SYNE2: variants seen among roughly 807,000 people sequenced by gnomAD.
The protein encoded by SYNE2 is nesprin-2.
Under a neutral mutation model 856.3 loss-of-function variants are expected in SYNE2, and 431 were observed. The ratio of observed to expected loss-of-function variants is 0.50; its 90% CI spans 0.47 to 0.55. SYNE2 has a LOEUF of 0.55. Among genes scored for constraint, SYNE2 ranks in the 20% least tolerant of loss-of-function variants. The probability of loss-of-function intolerance (pLI) is 0.00; values close to 1 mark genes in which losing one functional copy is unlikely to be tolerated. For missense variants in SYNE2, 8,129 were observed against 8,023.2 expected (o/e 1.01, Z -0.50); for synonymous variants, 2,923 against 2,872.3 (o/e 1.02, Z -0.56).
chr14:63,912,708 G>A (rs2095487317), intron 2 of SYNE2, among the ~76,000 whole-genome samples: 2 of 152,122 alleles, frequency 1.3e-5, no homozygotes, highest in African/African-American at 4.8e-5. Flanking sequence ...ACACACGCAA[G>A]AAAAGATTAA....
At chr14:64,183,007 C>T (rs1266926) in intron 96 of SYNE2, among the ~76,000 whole-genome samples, 9,118 of 112,842 alleles carry the variant, frequency 0.081, 526 homozygotes, top group East Asian at 0.39. Context: ...GGCGACTGGC[C>T]AGGCGGGGGC....
chr14:63,777,287 C>A (rs80260819), intron 1 of SYNE2, among the ~76,000 whole-genome samples: 1,564 of 152,344 alleles, frequency 0.01, 27 homozygotes, highest in African/African-American at 0.036. Flanking sequence ...GGGAAACCAT[C>A]TTTTCTATTC....
At chr14:64,046,144 T>A (rs542638105) in intron 45 of SYNE2, among the ~76,000 whole-genome samples, 1 of 152,340 alleles carries the variant, frequency 6.6e-6, no homozygotes, top group Non-Finnish European at 1.5e-5. Flanking sequence ...ATTACTGCCG[T>A]GGTGCTTCAT....
chr14:64,102,185 C>A (rs1242037462), intron 64 of SYNE2, 143 bp downstream of exon 64: 2 of 638,224 alleles, frequency 3.1e-6, no homozygotes, highest in Admixed American at 2.3e-5. Flanking sequence ...CGTATGATCT[C>A]AGCTCACTGC....
At chr14:64,178,577 CCCCCCCGAGTA>C in intron 96 of SYNE2, among the ~76,000 whole-genome samples, 1 of 140,644 alleles carries the variant, frequency 7.1e-6, no homozygotes, top group Admixed American at 6.7e-5. Flanking sequence ...CCTACCTCAG[CCCCCCCGAGTA>C]GCCCAGAGTA....
At chr14:64,213,974 C>A (rs1158175329) in intron 105 of SYNE2, among the ~76,000 whole-genome samples, 1 of 152,032 alleles carries the variant, frequency 6.6e-6, no homozygotes, top group Non-Finnish European at 1.5e-5. Context: ...GAAAAAATAG[C>A]TGGAGGTTTG....
chr14:63,771,451 C>A (rs980076318), intron 1 of SYNE2, among the ~76,000 whole-genome samples: 2 of 152,154 alleles, frequency 1.3e-5, no homozygotes, highest in African/African-American at 4.8e-5. Context: ...TTGAAAATGT[C>A]ATTTCTAATC....
chr14:63,767,012 G>T (rs918049030), intron 1 of SYNE2, among the ~76,000 whole-genome samples: 11 of 151,658 alleles, frequency 7.3e-5, no homozygotes, highest in African/African-American at 2.4e-4. Flanking sequence ...ATATCAAGCA[G>T]AGTCAATAAA....
chr14:64,092,181 C>A (rs1376941135), intron 60 of SYNE2, among the ~76,000 whole-genome samples: 2 of 152,244 alleles, frequency 1.3e-5, no homozygotes, highest in Non-Finnish European at 1.5e-5. Flanking sequence ...AAAAAGAAAG[C>A]CACGGTCCTA....
chr14:64,199,691 G>A (rs982629648), intron 99 of SYNE2, among the ~76,000 whole-genome samples: 7 of 140,100 alleles, frequency 5.0e-5, no homozygotes, highest in East Asian at 4.1e-4. Flanking sequence ...GCACTCCAGC[G>A]TAGGCGATAG....
rs2153537897 is a variant in SYNE2, at chr14:64,025,014, A to G, written c.5943A>G (p.Gln1981=). The change falls in exon 40 of 116, where the codon CAA becomes CAG. Residue 1981 remains glutamine, a synonymous_variant. Transcript: ENST00000555002. ...GGGAGAAAACTGAGCTGTTCTGCCA[A>G]GCTTTAGCTAGAAAGAGGTATAGCT... ...EPGEKTELFC[Q]ALARKREQFE... The G allele has an allele frequency of 1.2e-6, 2 of 1,614,090 alleles. No homozygotes were observed. The highest frequency in any genetic ancestry group is 1.7e-6 in the Non-Finnish European group (2 of 1,179,972).
Position 64,143,765 on chromosome 14 carries a change from A to G in SYNE2, c.15307-7A>G, listed in dbSNP as rs755129406. The stretch of plus-strand genomic sequence containing the variant: ...ACTGCTTTGGTGTTTAACTTTGCTT[A>G]TTTTAGGAGTTTAGAATGGAAATGG... On this transcript the variant is annotated splice_polypyrimidine_tract_variant and splice_region_variant and intron_variant, in intron 82 of 115. Coordinates refer to ENST00000555002, the MANE Select transcript of SYNE2 (RefSeq NM_182914.3). 1 of 1,613,984 alleles carries G rather than the reference A, an allele frequency of 6.2e-7. No homozygotes were observed. The highest frequency in any genetic ancestry group is 1.3e-5 in the African/African-American group (1 of 74,916).
chr14:64,146,159 G>A lies in SYNE2; in HGVS notation c.15575G>A (p.Arg5192Lys). The A allele has an allele frequency of 6.2e-7, 1 of 1,612,980 alleles. No individual in the cohort carries two copies. Among genetic ancestry groups the A allele is most frequent in the Non-Finnish European group, 8.5e-7 (1 of 1,179,610 alleles). Reference sequence around the variant, plus strand: ...AACTGGCTGGAAGCACAAGAAGAGAGACTGAAAACTTTACAAAAACCTGAA... The same window carrying A: ...AACTGGCTGGAAGCACAAGAAGAGAAACTGAAAACTTTACAAAAACCTGAA... ...LNNWLEAQEE[R>K]LKTLQKPESV... Residue 5192 changes from arginine (R) to lysine (K), a missense_variant, in exon 84 of 116, where the codon AGA becomes AAA. Arg to Lys is a conservative substitution (Grantham distance 26, BLOSUM62 2). Around this residue, in one of 3 missense-constraint regions of SYNE2, gnomAD observed 5,410 missense variants for 5,284.8 expected, o/e 1.02. Coordinates refer to ENST00000555002, the MANE Select transcript of SYNE2 (RefSeq NM_182914.3).
At position 64,049,684 on chromosome 14, in the gene SYNE2, C is replaced by G. The variant is rs769052051; in HGVS notation, c.7451C>G (p.Thr2484Arg). ...PLEQTECLNK[T>R]ETGALVLHNI... ...GAACAAACAGAATGTCTTAACAAAA[C>G]AGAAACTGGGGCCTTGGTTCTCCAC... is the stretch of plus-strand genomic sequence containing the variant. Residue 2484 changes from threonine to arginine, a missense_variant, in exon 47 of 116, where the codon ACA becomes AGA. This residue lies in a region of SYNE2 where 5,410 missense variants were observed against 5,284.8 expected (regional missense o/e 1.02). Coordinates refer to ENST00000555002, the MANE Select transcript of SYNE2 (RefSeq NM_182914.3). 6.2e-7 allele frequency: 1 copy of G among 1,614,122 alleles called. No homozygotes were observed.
intron 1 of SYNE2, among the ~76,000 whole-genome samples, chr14:63,859,192 T>C (rs923018084): frequency 2.0e-5 from 3 of 152,210 alleles, no homozygotes; most frequent in Non-Finnish European, 4.4e-5. Context: ...TAGAGAATTA[T>C]TCAGCCAAAG....
At chr14:63,882,954 A>G (rs1435981363) in intron 1 of SYNE2, among the ~76,000 whole-genome samples, 1 of 151,164 alleles carries the variant, frequency 6.6e-6, no homozygotes, top group Admixed American at 6.6e-5. Flanking sequence ...TAAATGACAT[A>G]ATGTATATAA....
intron 1 of SYNE2, among the ~76,000 whole-genome samples, chr14:63,853,766 A>C (rs1891034906): frequency 6.6e-6 from 1 of 151,042 alleles, no homozygotes; most frequent in Non-Finnish European, 1.5e-5. Context: ...CGGGTGCGGC[A>C]GCCTAGCGCC....
At chr14:63,812,948 G>C (rs1314718702) in intron 1 of SYNE2, among the ~76,000 whole-genome samples, 1 of 152,084 alleles carries the variant, frequency 6.6e-6, no homozygotes, top group African/African-American at 2.4e-5. Flanking sequence ...GCTTTCAATG[G>C]TTTCTGGCCC....
intron 77 of SYNE2, among the ~76,000 whole-genome samples, chr14:64,133,318 A>G (rs952301312): frequency 6.6e-6 from 1 of 152,192 alleles, no homozygotes; most frequent in African/African-American, 2.4e-5. Flanking sequence ...GATATTTATA[A>G]TATGTCATGG....
Sources: allele counts gnomAD v4.1 joint callset (sites outside exome capture counted in the v4.1 genomes callset), GRCh38; gene constraint gnomAD v4.1.1; regional missense constraint gnomAD v4.1.1; transcripts MANE v1.5; gene names NCBI Gene and HGNC (gene_info 2026-07-23, HGNC 2026-07-21).